SND1: variants seen among roughly 807,000 people sequenced by gnomAD.
SND1 encodes the protein staphylococcal nuclease and tudor domain containing 1.
SND1 carries 38 observed loss-of-function variants against 121.7 expected under a neutral mutation model. The observed-to-expected ratio is 0.31, with a 90% CI of 0.24 to 0.41. SND1 has a LOEUF of 0.41. SND1 is among the 10% of genes least tolerant of loss of function. The pLI is 1.00. For synonymous variants in SND1, 401 were observed against 447.4 expected (o/e 0.90, Z 1.31); for missense variants, 868 against 1,184.6 (o/e 0.73, Z 3.92).
Position 127,765,270 on chromosome 7 carries a change from A to G in SND1, c.1153-42214A>G, listed in dbSNP as rs1797390906. 5.3e-5 allele frequency among the ~76,000 whole-genome samples: 8 copies of G among 152,192 alleles called. No homozygotes were observed. The South Asian group carries it at 1.7e-3, about 32-fold the overall frequency. On this transcript the variant is annotated intron_variant, in intron 10 of 23. Transcript: ENST00000354725. ...CTTGCAGATTTTCATTTAACAGTCA[A>G]CCATTGAGCATTTCTGATTTGCATT...
chr7:128,076,439 G>A (rs968362567), intron 17 of SND1, among the ~76,000 whole-genome samples: 8 of 152,162 alleles, frequency 5.3e-5, no homozygotes, highest in African/African-American at 1.4e-4. Context: ...TCCCTCTCCT[G>A]CAAATCCCAG....
chr7:127,910,305 G>A (rs527443447), intron 14 of SND1, among the ~76,000 whole-genome samples: 8 of 152,104 alleles, frequency 5.3e-5, no homozygotes, highest in Admixed American at 1.3e-4. Flanking sequence ...TTAGCCAGGC[G>A]TGGTCGCGGG....
chr7:127,937,213 C>G (rs956853729), intron 15 of SND1, among the ~76,000 whole-genome samples: 1 of 152,140 alleles, frequency 6.6e-6, no homozygotes, highest in African/African-American at 2.4e-5. Flanking sequence ...TGAGGAATTA[C>G]AGGGTGAGGC....
chr7:128,029,539 G>C lies in SND1; in HGVS notation c.1779+38483G>C, dbSNP rs1359460226. 6.2e-7 allele frequency: 1 copy of C among 1,613,912 alleles called. No individual in the cohort carries two copies. The highest frequency in any genetic ancestry group is 1.3e-5 in the African/African-American group (1 of 74,876). Reference sequence around the variant, plus strand: ...GTCCGACACTTAAGTTCTGCCATCCGACCCTCAGAAATGTTGAGGTCTCGA... The same window carrying C: ...GTCCGACACTTAAGTTCTGCCATCCCACCCTCAGAAATGTTGAGGTCTCGA... On this transcript the variant is annotated intron_variant, in intron 16 of 23. Transcript: ENST00000354725. This position sits in a 1 kb window ranked among gnomAD's most constrained non-coding sequence, Gnocchi z 4.2.
chr7:127,776,829 A>G (rs1385576919), intron 10 of SND1, among the ~76,000 whole-genome samples: 1 of 152,082 alleles, frequency 6.6e-6, no homozygotes, highest in African/African-American at 2.4e-5. Context: ...GGTTGCATTC[A>G]CTCTCCTAGG....
chr7:127,821,253 G>T (rs974469232), intron 11 of SND1, among the ~76,000 whole-genome samples: 1 of 152,206 alleles, frequency 6.6e-6, no homozygotes, highest in African/African-American at 2.4e-5. Flanking sequence ...TCCTTGCTGG[G>T]TGCTCTAATG....
intron 16 of SND1, among the ~76,000 whole-genome samples, chr7:128,056,677 C>G (rs1259062429): frequency 2.0e-5 from 3 of 152,200 alleles, no homozygotes; most frequent in Non-Finnish European, 2.9e-5. Context: ...AATGAGAATA[C>G]AGGGTGGTAC....
intron 1 of SND1, among the ~76,000 whole-genome samples, chr7:127,661,993 G>A (rs530201385): frequency 4.6e-5 from 7 of 152,134 alleles, no homozygotes; most frequent in African/African-American, 1.7e-4. Context: ...GTGCGTGCCT[G>A]TAATCCCGGT....
intron 10 of SND1, among the ~76,000 whole-genome samples, chr7:127,746,873 G>A (rs1247376792): frequency 6.6e-6 from 1 of 152,210 alleles, no homozygotes; most frequent in African/African-American, 2.4e-5. Flanking sequence ...ATATGACTAA[G>A]TAAGGCTGCT....
At chr7:127,991,831 C>T (rs1232977753) in intron 16 of SND1, among the ~76,000 whole-genome samples, 1 of 152,136 alleles carries the variant, frequency 6.6e-6, no homozygotes, top group South Asian at 2.1e-4. Flanking sequence ...AGAGCAGATG[C>T]GTGGACTTCT....
chr7:127,652,477 C>T (rs371614395), intron 1 of SND1, 26 bp downstream of exon 1: 9 of 1,540,384 alleles, frequency 5.8e-6, no homozygotes, highest in African/African-American at 4.1e-5. Context: ...GGACACCGAC[C>T]CCTCTGCCTG....
intron 22 of SND1, among the ~76,000 whole-genome samples, chr7:128,090,297 G>A (rs943707424): frequency 6.6e-6 from 1 of 152,218 alleles, no homozygotes; most frequent in Non-Finnish European, 1.5e-5. Flanking sequence ...CAGTGCGCTC[G>A]TACCTGAGAA....
chr7:128,019,388 C>A (rs1466377308), intron 16 of SND1, among the ~76,000 whole-genome samples: 1 of 152,214 alleles, frequency 6.6e-6, no homozygotes, highest in Non-Finnish European at 1.5e-5. Context: ...AAGGGAATTT[C>A]TCTGGCACAG....
chr7:127,808,688 T>TATAATG (rs1563020914), intron 11 of SND1, among the ~76,000 whole-genome samples: 2 of 152,228 alleles, frequency 1.3e-5, no homozygotes, highest in Non-Finnish European at 2.9e-5. Context: ...CTTCAGAGAA[T>TATAATG]AGGTTCATCT....
At chr7:127,814,288 G>A (rs1460921503) in intron 11 of SND1, among the ~76,000 whole-genome samples, 3 of 152,152 alleles carry the variant, frequency 2.0e-5, no homozygotes, top group Non-Finnish European at 4.4e-5. Context: ...GCTCAGCTGT[G>A]TTTGGGGGTA....
chr7:127,825,379 G>A (rs1325671486), intron 11 of SND1, among the ~76,000 whole-genome samples: 2 of 151,718 alleles, frequency 1.3e-5, no homozygotes, highest in Non-Finnish European at 1.5e-5. Flanking sequence ...AAAGTGCTGG[G>A]GTGACAGGCG....
At chr7:127,797,482 G>T (rs556148947) in intron 10 of SND1, among the ~76,000 whole-genome samples, 285 of 152,310 alleles carry the variant, frequency 1.9e-3, no homozygotes, top group Admixed American at 3.9e-3. Context: ...AGTCCTCACT[G>T]TTCCTCTAGG....
At chr7:128,030,599 C>G (rs750009952) in intron 16 of SND1, 2 of 1,592,478 alleles carry the variant, frequency 1.3e-6, no homozygotes, top group African/African-American at 2.7e-5. Context: ...GGATGGCATT[C>G]CAGGTGTGGT....
chr7:127,787,929 C>T (rs917250333), intron 10 of SND1, among the ~76,000 whole-genome samples: 3 of 152,138 alleles, frequency 2.0e-5, no homozygotes, highest in African/African-American at 7.2e-5. Context: ...CTTTGATTTC[C>T]TTTCTATGAC....
Sources: gnomAD v4.1 joint callset for allele counts (sites outside exome capture counted in the v4.1 genomes callset) on GRCh38, gnomAD v4.1.1 for gene constraint, Gnocchi (gnomAD v3.1) non-coding constraint, MANE v1.5 for transcripts, NCBI Gene and HGNC (gene_info 2026-07-23, HGNC 2026-07-21) for gene names.